SMYD3: variants seen among roughly 807,000 people sequenced by gnomAD.
SMYD3 encodes the protein SET and MYND domain containing 3, also known as histone-lysine N-methyltransferase SMYD3.
Under a neutral mutation model 57.7 loss-of-function variants are expected in SMYD3, and 36 were observed. The ratio of observed to expected loss-of-function variants is 0.62; its 90% CI spans 0.48 to 0.82. SMYD3 has a LOEUF of 0.82. Among genes scored for constraint, SMYD3 ranks in the 40% least tolerant of loss-of-function variants. The pLI is 0.00. For synonymous variants in SMYD3, 211 were observed against 195.0 expected, an observed-to-expected ratio of 1.08 and a Z score of -0.68; for missense variants, 515 against 538.8, an observed-to-expected ratio of 0.96 and a Z score of 0.44.
At chr1:246,164,227 A>T (rs1289580699) in intron 5 of SMYD3, among the ~76,000 whole-genome samples, 1 of 152,052 alleles carries the variant, frequency 6.6e-6, no homozygotes, top group East Asian at 1.9e-4. Flanking sequence ...TCCAGACCAG[A>T]CTGGCCAATA....
chr1:246,345,042 A>T (rs1361175836), intron 2 of SMYD3, among the ~76,000 whole-genome samples: 1 of 152,176 alleles, frequency 6.6e-6, no homozygotes, highest in African/African-American at 2.4e-5. Context: ...CCATGTCTGT[A>T]GTTTGTCTTT....
At chr1:245,991,493 T>C (rs2058812757) in intron 5 of SMYD3, among the ~76,000 whole-genome samples, 1 of 152,124 alleles carries the variant, frequency 6.6e-6, no homozygotes, top group Admixed American at 6.5e-5. Context: ...CGCCTCAGGG[T>C]GTTTCAGGAG....
At chr1:246,187,096 C>T (rs894983306) in intron 5 of SMYD3, among the ~76,000 whole-genome samples, 2 of 152,148 alleles carry the variant, frequency 1.3e-5, no homozygotes, top group Non-Finnish European at 2.9e-5. Context: ...AAAAGATCTG[C>T]GTTTAAGAAA....
intron 10 of SMYD3, among the ~76,000 whole-genome samples, chr1:245,798,402 A>C (rs1205783915): frequency 7.9e-6 from 1 of 126,732 alleles, no homozygotes; most frequent in Non-Finnish European, 1.7e-5. Context: ...ACACACACAC[A>C]CACATACACA....
At chr1:245,757,231 TATG>T (rs1261767744) in intron 11 of SMYD3, among the ~76,000 whole-genome samples, 5 of 152,138 alleles carry the variant, frequency 3.3e-5, no homozygotes, top group African/African-American at 4.8e-5. Context: ...AGTGGAATAA[TATG>T]ATATTTGTTC....
chr1:246,158,535 CGTAGA>C (rs1027343653), intron 5 of SMYD3, among the ~76,000 whole-genome samples: 72 of 151,938 alleles, frequency 4.7e-4, no homozygotes, highest in African/African-American at 1.5e-3. Flanking sequence ...AGAACTACCC[CGTAGA>C]GTAAAGCATA....
chr1:246,424,746 TA>T (rs1420418942), intron 1 of SMYD3, among the ~76,000 whole-genome samples: 7 of 152,178 alleles, frequency 4.6e-5, no homozygotes, highest in Non-Finnish European at 8.8e-5. Context: ...CATCGCCAAA[TA>T]AAAATAGCAG....
chr1:245,903,735 G>A (rs1326416481), intron 8 of SMYD3, among the ~76,000 whole-genome samples: 10 of 152,136 alleles, frequency 6.6e-5, no homozygotes, highest in Admixed American at 6.5e-4. Context: ...TTGTAACTGG[G>A]GCTTGCATCC....
At chr1:246,404,658 TTGATCTCTGTGCCCTCTTTACG>T (rs1480895355) in intron 1 of SMYD3, among the ~76,000 whole-genome samples, 4 of 152,288 alleles carry the variant, frequency 2.6e-5, no homozygotes, top group South Asian at 2.1e-4. Context: ...TCCTCTTTAC[TTGATCTCTGTGCCCTCTTTACG>T]TGATCTAGAC....
chr1:246,424,369 AATACTC>A (rs2067187546), intron 1 of SMYD3, among the ~76,000 whole-genome samples: 2 of 152,140 alleles, frequency 1.3e-5, no homozygotes, highest in Admixed American at 6.5e-5. Context: ...AATATTAATA[AATACTC>A]AAAGGAAGAC....
intron 1 of SMYD3, among the ~76,000 whole-genome samples, chr1:246,367,748 A>T (rs2066130193): frequency 6.6e-6 from 1 of 152,190 alleles, no homozygotes; most frequent in Non-Finnish European, 1.5e-5. Context: ...TAATCTTAAA[A>T]AAATAAGTGA....
At chr1:246,057,558 C>A (rs1271863887) in intron 5 of SMYD3, among the ~76,000 whole-genome samples, 1 of 152,210 alleles carries the variant, frequency 6.6e-6, no homozygotes, top group Non-Finnish European at 1.5e-5. Flanking sequence ...GAAGATACCA[C>A]TACGCACATA....
intron 5 of SMYD3, among the ~76,000 whole-genome samples, chr1:245,934,332 C>T (rs1013822444): frequency 4.0e-5 from 6 of 151,726 alleles, no homozygotes; most frequent in African/African-American, 7.3e-5. Context: ...CCCGGCACCC[C>T]GACTCCTAGA....
intron 5 of SMYD3, among the ~76,000 whole-genome samples, chr1:246,006,516 TA>T (rs1416460512): frequency 1.3e-5 from 2 of 152,190 alleles, no homozygotes; most frequent in Non-Finnish European, 2.9e-5. Flanking sequence ...CTTACAAAGT[TA>T]GGGGGAAAGC....
intron 5 of SMYD3, among the ~76,000 whole-genome samples, chr1:246,146,344 A>G (rs1162388325): frequency 6.6e-6 from 1 of 152,210 alleles, no homozygotes; most frequent in Non-Finnish European, 1.5e-5. Flanking sequence ...GAATCAAACT[A>G]CAGAACTGTA....
intron 5 of SMYD3, among the ~76,000 whole-genome samples, chr1:246,148,745 C>T (rs557407085): frequency 5.3e-5 from 8 of 152,350 alleles, no homozygotes; most frequent in African/African-American, 9.6e-5. Context: ...GACTAAGTGA[C>T]TTCTGGAACG....
intron 10 of SMYD3, among the ~76,000 whole-genome samples, chr1:245,798,417 T>TACATACACACC (rs2047670135): frequency 3.3e-5 from 1 of 30,730 alleles, no homozygotes; most frequent in African/African-American, 1.7e-4. Flanking sequence ...TACACACACA[T>TACATACACACC]ACACACCCCC....
intron 5 of SMYD3, among the ~76,000 whole-genome samples, chr1:246,220,946 G>A (rs2063244843): frequency 6.6e-6 from 1 of 152,000 alleles, no homozygotes; most frequent in Non-Finnish European, 1.5e-5. Flanking sequence ...CAGCTGCAGA[G>A]GGGAGCAACC....
chr1:246,137,897 A>AT (rs1188078266), intron 5 of SMYD3, among the ~76,000 whole-genome samples: 2 of 152,202 alleles, frequency 1.3e-5, no homozygotes, highest in Non-Finnish European at 2.9e-5. Flanking sequence ...GGGAGCACAC[A>AT]TTTAAAAAAA....
Sources: gnomAD v4.1 joint callset for allele counts (sites outside exome capture counted in the v4.1 genomes callset) on GRCh38, gnomAD v4.1.1 for gene constraint, MANE v1.5 for transcripts, NCBI Gene and HGNC (gene_info 2026-07-23, HGNC 2026-07-21) for gene names.